The following KDM5A variants were observed in gnomAD, a reference collection of about 807,000 sequenced individuals.
The protein encoded by KDM5A is lysine demethylase 5A, also known as lysine-specific demethylase 5A.
A neutral mutation model predicts 193.5 loss-of-function variants in KDM5A; 42 were observed. That is an observed-to-expected ratio of 0.22 (90% CI 0.17 to 0.28). The LOEUF (loss-of-function observed/expected upper bound fraction) is 0.28. Ranked by LOEUF, KDM5A falls within the 10% of genes least tolerant of loss-of-function variation. The pLI is 1.00. For synonymous variants in KDM5A, 796 were observed against 718.1 expected (o/e 1.11, Z -1.73); for missense variants, 1,692 against 2,055.1 (o/e 0.82, Z 3.42).
chr12:312,622 T>C (rs947495054), intron 20 of KDM5A, among the ~76,000 whole-genome samples: 7 of 152,232 alleles, frequency 4.6e-5, no homozygotes, highest in Non-Finnish European at 8.8e-5. Flanking sequence ...ACTAGAATTA[T>C]TTTATAGATG....
intron 1 of KDM5A, chr12:387,347 CATT>C (rs1944649492): frequency 8.2e-6 from 2 of 244,116 alleles, no homozygotes; most frequent in African/African-American, 2.4e-5. Flanking sequence ...ATTATTTCAG[CATT>C]TTTTTAAGTA....
chr12:322,367 T>C (rs375053143), intron 17 of KDM5A, 50 bp downstream of exon 17: 3 of 1,591,664 alleles, frequency 1.9e-6, no homozygotes, highest in South Asian at 1.1e-5. Flanking sequence ...TGGTTTTTAC[T>C]CTGAAAGAAA....
intron 4 of KDM5A, among the ~76,000 whole-genome samples, chr12:364,665 G>C (rs1361562747): frequency 2.0e-5 from 3 of 147,220 alleles, no homozygotes; most frequent in African/African-American, 7.5e-5. Flanking sequence ...GGCACCTGTA[G>C]TCCCAGCTAC....
At chr12:295,488 C>T (rs1943358668) in intron 26 of KDM5A, 85 bp downstream of exon 26, 10 of 1,274,838 alleles carry the variant, frequency 7.8e-6, no homozygotes, top group Non-Finnish European at 1.1e-5. Context: ...CCCTCAGCCA[C>T]CCCTTTGCCA....
At position 388,995 on chromosome 12, in the gene KDM5A, G is replaced by C. The variant is rs1386239903; in HGVS notation, c.97C>G (p.Leu33Val). The C allele has an allele frequency of 6.2e-7, 1 of 1,614,036 alleles. No individual in the cohort carries two copies. Among genetic ancestry groups the C allele is most frequent in the Non-Finnish European group, 8.5e-7 (1 of 1,180,036 alleles). ...EPSWEEFTDP[L>V]SFIGRIRPLA... The stretch of plus-strand genomic sequence containing the variant: ...GGCCGGATGCGGCCGATAAAGCTGA[G>C]CGGATCTGTGAACTCCTCCCAACTC... The change falls in exon 1 of 28, where the codon CTC becomes GTC. Residue 33 changes from leucine (L) to valine (V), a missense_variant. Around this residue, in one of 11 missense-constraint regions of KDM5A, gnomAD observed 84 missense variants for 68.2 expected, o/e 1.23. Transcript: ENST00000399788.
intron 3 of KDM5A, among the ~76,000 whole-genome samples, chr12:377,151 T>C (rs535898074): frequency 1.3e-5 from 2 of 152,238 alleles, no homozygotes; most frequent in East Asian, 3.9e-4. Flanking sequence ...TCCAGGCAAC[T>C]ATCCCTCTCC....
intron 10 of KDM5A, among the ~76,000 whole-genome samples, chr12:350,111 G>A (rs1355831314): frequency 2.7e-5 from 4 of 150,048 alleles, no homozygotes; most frequent in East Asian, 2.0e-4. Context: ...AGGGGCGACA[G>A]GAACAAAACT....
chr12:323,702 CAT>C lies in KDM5A; in HGVS notation c.2046_2047del (p.Cys683PhefsTer10). 6.2e-7 allele frequency: 1 copy of C among 1,614,062 alleles called. No homozygotes were observed. The highest frequency in any genetic ancestry group is 1.3e-5 in the African/African-American group (1 of 75,030). On this transcript the variant is annotated frameshift_variant, in exon 15 of 28. Transcript: ENST00000399788. LOFTEE classifies it high-confidence loss of function. ...GGAACATGTGAGAGCAGAGAGAAAA[CAT>C]GTGGTTCTGCATGCTGAACACTGCC... is the stretch of plus-strand genomic sequence containing the variant.
rs1008057801 is a variant in KDM5A at position 290,399 on chromosome 12, T to C, written c.4866+2360A>G. Among the ~76,000 whole-genome samples, 3 of 152,120 alleles carry C rather than the reference T, an allele frequency of 2.0e-5. No individual in the cohort carries two copies. The South Asian group carries it at 6.2e-4, about 31-fold the overall frequency. On this transcript the variant is annotated intron_variant, in intron 27 of 27. Coordinates refer to ENST00000399788, the MANE Select transcript of KDM5A (RefSeq NM_001042603.3). Reference sequence around the variant, plus strand: ...CACTATTTTATATAAACTAACAACATAGGGTGGGGCACACGTTGCTCACCT... The same window carrying C: ...CACTATTTTATATAAACTAACAACACAGGGTGGGGCACACGTTGCTCACCT...
chr12:291,486 T>C (rs923272275), intron 27 of KDM5A, among the ~76,000 whole-genome samples: 2 of 152,174 alleles, frequency 1.3e-5, no homozygotes, highest in Non-Finnish European at 2.9e-5. Context: ...TTTGGTCACA[T>C]AATTACCTTC....
intron 3 of KDM5A, among the ~76,000 whole-genome samples, chr12:380,279 G>T (rs1460819055): frequency 6.7e-6 from 1 of 148,942 alleles, no homozygotes; most frequent in African/African-American, 2.4e-5. Flanking sequence ...AAAAAAAAAT[G>T]CAATTTAACT....
At chr12:372,671 G>A (rs1200126062) in intron 3 of KDM5A, among the ~76,000 whole-genome samples, 3 of 152,154 alleles carry the variant, frequency 2.0e-5, no homozygotes, top group African/African-American at 7.2e-5. Context: ...TATTGTACTA[G>A]TTTTCAAAGG....
chr12:379,219 A>G (rs1944545661), intron 3 of KDM5A, among the ~76,000 whole-genome samples: 1 of 152,154 alleles, frequency 6.6e-6, no homozygotes, highest in Admixed American at 6.5e-5. Context: ...AGCCAAAAAT[A>G]ATCTTTTTTT....
chr12:351,844 C>T (rs1245010255), intron 9 of KDM5A, among the ~76,000 whole-genome samples: 2 of 151,938 alleles, frequency 1.3e-5, no homozygotes, highest in Non-Finnish European at 2.9e-5. Context: ...TGGTTCATGG[C>T]TATAATCCCA....
chr12:386,972 A>G (rs1288177758), intron 1 of KDM5A, among the ~76,000 whole-genome samples: 1 of 152,226 alleles, frequency 6.6e-6, no homozygotes, highest in Non-Finnish European at 1.5e-5. Flanking sequence ...GAAACTTTTA[A>G]GAACTTATTT....
At chr12:388,212 G>A (rs1171006588) in intron 1 of KDM5A, 1 of 450,688 alleles carries the variant, frequency 2.2e-6, no homozygotes, top group South Asian at 1.6e-5. Context: ...CCACACAAGG[G>A]ATAGTATCTG....
chr12:295,827 A>C lies in KDM5A; in HGVS notation c.4235-34T>G, dbSNP rs1322770346. ...AAAAATACCATAAAACAAAGCAAAA[A>C]AAATTAAAACTATGGAAAAAACATG... On this transcript the variant is annotated intron_variant, in intron 25 of 27. Coordinates refer to ENST00000399788, the MANE Select transcript of KDM5A (RefSeq NM_001042603.3). 2.5e-6 allele frequency: 4 copies of C among 1,588,986 alleles called. No individual in the cohort carries two copies. In the East Asian group the frequency reaches 6.7e-5, roughly 27 times the overall value.
At chr12:356,400 A>G in intron 6 of KDM5A, 32 bp downstream of exon 6, 1 of 1,250,050 alleles carries the variant, frequency 8.0e-7, no homozygotes, top group Non-Finnish European at 1.2e-6. Context: ...ATTCTACCTT[A>G]TCTCTTTTCA....
rs1753494747 is a variant in KDM5A, at chr12:384,144, T to G, written c.253A>C (p.Arg85=). The G allele has an allele frequency of 4.4e-6, 7 of 1,593,022 alleles. No homozygotes were observed. The highest frequency in any genetic ancestry group is 5.2e-6 in the Non-Finnish European group (6 of 1,160,808). Residue 85 remains arginine, a synonymous_variant, in exon 3 of 28, where the codon AGA becomes CGA. Transcript: ENST00000399788. ...QRLNELEAMT[R]VRLDFLDQLA... Reference sequence around the variant, plus strand: ...TGATCCAAGAAATCCAATCTCACTCTGGTCATTGCCTAAGATTATTAAAAT... The same window carrying G: ...TGATCCAAGAAATCCAATCTCACTCGGGTCATTGCCTAAGATTATTAAAAT...
Sources: allele counts gnomAD v4.1 joint callset (sites outside exome capture counted in the v4.1 genomes callset), GRCh38; gene constraint gnomAD v4.1.1; regional missense constraint gnomAD v4.1.1; transcripts MANE v1.5; gene names NCBI Gene and HGNC (gene_info 2026-07-23, HGNC 2026-07-21).